The following NKAIN2 variants were observed in gnomAD, a reference collection of about 807,000 sequenced individuals.
The protein encoded by NKAIN2 is sodium/potassium-transporting ATPase subunit beta-1-interacting protein 2.
In NKAIN2, 14 loss-of-function variants were observed where a neutral mutation model predicts 32.6. The ratio of observed to expected loss-of-function variants is 0.43; its 90% CI spans 0.28 to 0.67. NKAIN2 has a LOEUF of 0.67. Ranked by LOEUF, NKAIN2 falls within the 30% of genes least tolerant of loss-of-function variation. The pLI is 0.17. For missense variants in NKAIN2, 198 were observed against 258.3 expected (o/e 0.77, Z 1.60); for synonymous variants, 80 against 87.2 (o/e 0.92, Z 0.46).
chr6:124,525,512 C>G (rs957141619), intron 3 of NKAIN2, among the ~76,000 whole-genome samples: 1 of 152,002 alleles, frequency 6.6e-6, no homozygotes, highest in African/African-American at 2.4e-5. Context: ...GTCATAATAA[C>G]TTAGTAAGGG....
chr6:124,203,642 T>C (rs1790701583), intron 1 of NKAIN2, among the ~76,000 whole-genome samples: 1 of 151,846 alleles, frequency 6.6e-6, no homozygotes, highest in Admixed American at 6.6e-5. Flanking sequence ...TCAGTTCCAG[T>C]GATTCATCTG....
rs901558322 is a variant in NKAIN2, at chr6:124,543,198, A to T, written c.274-114988A>T. Among the ~76,000 whole-genome samples, 7 of 152,338 alleles carry T rather than the reference A, an allele frequency of 4.6e-5. No individual in the cohort carries two copies. In the South Asian group the frequency reaches 8.3e-4, roughly 18 times the overall value. On this transcript the variant is annotated intron_variant, in intron 3 of 6. Coordinates refer to ENST00000368417, the MANE Select transcript of NKAIN2 (RefSeq NM_001040214.3). ...TATGCCTACCAACTGCTTAAAAATT[A>T]AAAAATGTGGTTGATGTTTTGTCAT...
At chr6:124,305,003 T>C (rs1796451538) in intron 2 of NKAIN2, among the ~76,000 whole-genome samples, 1 of 152,006 alleles carries the variant, frequency 6.6e-6, no homozygotes, top group Non-Finnish European at 1.5e-5. Flanking sequence ...AGAAACAAGA[T>C]TGCTGTAGGT....
chr6:124,183,402 A>G (rs1789547887), intron 1 of NKAIN2, among the ~76,000 whole-genome samples: 1 of 152,134 alleles, frequency 6.6e-6, no homozygotes, highest in Admixed American at 6.5e-5. Flanking sequence ...CTTCAAAATC[A>G]TGATCAGTCT....
At chr6:124,272,462 A>G (rs1283406606) in intron 1 of NKAIN2, among the ~76,000 whole-genome samples, 1 of 152,170 alleles carries the variant, frequency 6.6e-6, no homozygotes, top group Non-Finnish European at 1.5e-5. Flanking sequence ...ATAAGAGTTG[A>G]GCTTTGAGAA....
chr6:123,932,406 C>CTTTTTT lies in NKAIN2; in HGVS notation c.54+128175_54+128180dup, dbSNP rs57063550. ...GAGAAGTTTGGCCTTTTCTGTCTTT[C>CTTTTTT]TTTTTTTTTTTTTTTTTTTTTTTTT... On this transcript the variant is annotated intron_variant, in intron 1 of 6. Coordinates refer to ENST00000368417, the MANE Select transcript of NKAIN2 (RefSeq NM_001040214.3). 1.9e-3 allele frequency among the ~76,000 whole-genome samples: 196 copies of CTTTTTT among 104,354 alleles called. 3 individuals are homozygous for CTTTTTT. The highest frequency in any genetic ancestry group is 3.2e-3 in the African/African-American group (76 of 23,966). The allele number at this position is 104,354 out of a possible 152,430, so 68.5% of individuals were successfully genotyped here. A position where few individuals can be genotyped will look rare whatever the true frequency, so the allele number is the denominator to read the frequency against.
chr6:124,638,251 CA>C (rs1562298309), intron 3 of NKAIN2, among the ~76,000 whole-genome samples: 1 of 151,912 alleles, frequency 6.6e-6, no homozygotes, highest in Non-Finnish European at 1.5e-5. Flanking sequence ...TCACCATATC[CA>C]AAAATCAACT....
At chr6:124,581,611 C>T (rs1046540866) in intron 3 of NKAIN2, among the ~76,000 whole-genome samples, 2 of 151,966 alleles carry the variant, frequency 1.3e-5, no homozygotes, top group African/African-American at 4.8e-5. Flanking sequence ...TGTTAAGCCA[C>T]AAAAAAATCT....
chr6:123,937,785 A>G (rs919781761), intron 1 of NKAIN2, among the ~76,000 whole-genome samples: 1 of 152,102 alleles, frequency 6.6e-6, no homozygotes, highest in East Asian at 1.9e-4. Flanking sequence ...GAGCAGCACA[A>G]GCAATGAACT....
intron 3 of NKAIN2, among the ~76,000 whole-genome samples, chr6:124,628,689 G>A (rs1783449559): frequency 1.3e-5 from 2 of 151,872 alleles, no homozygotes; most frequent in South Asian, 4.2e-4. Context: ...CTCAAAAGTG[G>A]GAAATAGATA....
At chr6:124,784,232 A>T (rs1779401640) in intron 4 of NKAIN2, among the ~76,000 whole-genome samples, 1 of 152,174 alleles carries the variant, frequency 6.6e-6, no homozygotes, top group Admixed American at 6.5e-5. Flanking sequence ...TTCTGTTTAC[A>T]CTTTACCCAG....
At chr6:124,671,021 T>C (rs1474689474) in intron 4 of NKAIN2, among the ~76,000 whole-genome samples, 1 of 152,034 alleles carries the variant, frequency 6.6e-6, no homozygotes, top group Non-Finnish European at 1.5e-5. Flanking sequence ...GACTGCTATA[T>C]TGCAAAATAA....
At chr6:124,380,175 A>G (rs189778496) in intron 3 of NKAIN2, among the ~76,000 whole-genome samples, 1 of 152,288 alleles carries the variant, frequency 6.6e-6, no homozygotes, top group East Asian at 1.9e-4. Flanking sequence ...GTAACGCAGC[A>G]GTATTATGAC....
rs930251811 is a variant in NKAIN2 at position 123,960,220 on chromosome 6, C to T, written c.54+155966C>T. Among the ~76,000 whole-genome samples the T allele has an allele frequency of 3.9e-5, 6 of 152,264 alleles. No individual in the cohort carries two copies. In the Middle Eastern group the frequency reaches 0.01, roughly 259 times the overall value. ...CAGCATACTGTTCAAATTAAAGACACGTGTAAGCTGTGATTGGCTAATGGC... is the reference window on the plus strand; with the variant it reads ...CAGCATACTGTTCAAATTAAAGACATGTGTAAGCTGTGATTGGCTAATGGC... On this transcript the variant is annotated intron_variant, in intron 1 of 6. Coordinates refer to ENST00000368417, the MANE Select transcript of NKAIN2 (RefSeq NM_001040214.3).
chr6:124,366,693 T>G (rs550050096), intron 3 of NKAIN2, among the ~76,000 whole-genome samples: 2 of 151,978 alleles, frequency 1.3e-5, no homozygotes, highest in Non-Finnish European at 2.9e-5. Context: ...TCCCAGAACT[T>G]TGGGAGGCTG....
At chr6:124,192,124 T>C (rs181148097) in intron 1 of NKAIN2, among the ~76,000 whole-genome samples, 1 of 152,286 alleles carries the variant, frequency 6.6e-6, no homozygotes, top group Admixed American at 6.5e-5. Context: ...TCATTTCTTT[T>C]TGCCTACTCA....
At chr6:124,383,203 C>T (rs1312295778) in intron 3 of NKAIN2, among the ~76,000 whole-genome samples, 1 of 152,146 alleles carries the variant, frequency 6.6e-6, no homozygotes, top group Non-Finnish European at 1.5e-5. Flanking sequence ...AGTGTCTTTG[C>T]TAGAAATAAT....
intron 1 of NKAIN2, among the ~76,000 whole-genome samples, chr6:124,202,979 G>A (rs1790667596): frequency 6.6e-6 from 1 of 151,884 alleles, no homozygotes; most frequent in Non-Finnish European, 1.5e-5. Context: ...TAACAAATTT[G>A]TTGGTTCATA....
intron 1 of NKAIN2, among the ~76,000 whole-genome samples, chr6:123,973,738 G>T (rs1255527128): frequency 6.6e-6 from 1 of 152,096 alleles, no homozygotes; most frequent in Non-Finnish European, 1.5e-5. Flanking sequence ...AAATCGTGTA[G>T]TTGTTTCACC....
Sources: allele counts gnomAD v4.1 joint callset (sites outside exome capture counted in the v4.1 genomes callset), GRCh38; gene constraint gnomAD v4.1.1; transcripts MANE v1.5; gene names NCBI Gene and HGNC (gene_info 2026-07-23, HGNC 2026-07-21).